Variants in DAPK2 observed in about 807,000 individuals in gnomAD.
DAPK2 encodes death-associated protein kinase 2.
Under a neutral mutation model 44.1 loss-of-function variants are expected in DAPK2, and 35 were observed. The observed-to-expected ratio is 0.79, with a 90% CI of 0.61 to 1.05. The LOEUF (loss-of-function observed/expected upper bound fraction) is 1.05, where lower values mean the gene tolerates loss of function less well. Among genes scored for constraint, DAPK2 ranks in the 50% least tolerant of loss-of-function variants. The pLI is 0.00. For synonymous variants in DAPK2, 174 were observed against 182.6 expected (o/e 0.95, Z 0.38); for missense variants, 453 against 483.2 (o/e 0.94, Z 0.59).
chr15:63,954,207 T>C (rs1333990553), intron 3 of DAPK2, among the ~76,000 whole-genome samples: 2 of 152,220 alleles, frequency 1.3e-5, no homozygotes, highest in African/African-American at 4.8e-5. Flanking sequence ...TTGTGGGGTA[T>C]TACTCAAGAA....
chr15:64,016,635 A>G (rs1376361335), intron 1 of DAPK2, among the ~76,000 whole-genome samples: 1 of 152,080 alleles, frequency 6.6e-6, no homozygotes, highest in Non-Finnish European at 1.5e-5. Flanking sequence ...TCTACAAAAT[A>G]TTTATAAATT....
At chr15:63,924,775 AG>A (rs1236126377) in intron 8 of DAPK2, 40 bp downstream of exon 9, 1 of 1,612,214 alleles carries the variant, frequency 6.2e-7, no homozygotes, top group African/African-American at 1.3e-5. Context: ...GCGACAGAGC[AG>A]GGACCCTTTG....
At chr15:63,985,133 G>A (rs905824975) in intron 1 of DAPK2, among the ~76,000 whole-genome samples, 1 of 152,230 alleles carries the variant, frequency 6.6e-6, no homozygotes, top group Non-Finnish European at 1.5e-5. Context: ...GGGACCAAAG[G>A]CACAGACAAC....
At position 63,992,341 on chromosome 15, in the gene DAPK2, C is replaced by T. The variant is rs573010643; in HGVS notation, c.93-8587G>A. Among the ~76,000 whole-genome samples the T allele has an allele frequency of 2.0e-5, 3 of 152,060 alleles. No individual in the cohort carries two copies. In the South Asian group the frequency reaches 6.2e-4, roughly 32 times the overall value. On this transcript the variant is annotated intron_variant, in intron 1 of 10. Coordinates refer to ENST00000261891, the Ensembl canonical transcript of DAPK2. ...AGGAAATGCTGGGCTTGGAAGGTAC[C>T]ACCCACCACCCACCCACCTGCCCAT... is the stretch of plus-strand genomic sequence containing the variant.
Position 63,923,449 on chromosome 15 carries a change from T to C in DAPK2, c.858+1367A>G. ...CACACAAGCGGCCTCTGGCATTCAC[T>C]GCATGCGTCAGGCCATGGGGAGAAC... On this transcript the variant is annotated intron_variant, in intron 8 of 10. Coordinates refer to ENST00000261891, the Ensembl canonical transcript of DAPK2. This position sits in a 1 kb window ranked among gnomAD's most constrained non-coding sequence, Gnocchi z 4.2. 4.1e-6 allele frequency: 6 copies of C among 1,465,492 alleles called. No individual in the cohort carries two copies. The highest frequency in any genetic ancestry group is 5.4e-6 in the Non-Finnish European group (6 of 1,112,226). The allele number at this position is 1,465,492 out of a possible 1,614,324, so 90.8% of individuals were successfully genotyped here.
chr15:63,992,706 C>T (rs946013881), intron 1 of DAPK2, among the ~76,000 whole-genome samples: 11 of 152,226 alleles, frequency 7.2e-5, no homozygotes, highest in Admixed American at 2.0e-4. Context: ...CTGCCCTTTC[C>T]TTTCCTCCTT....
chr15:63,966,240 G>T lies in DAPK2; in HGVS notation c.453+5183C>A, dbSNP rs1441716671. ...AAATGTTGTCTGAGATCTAGGGCCT[G>T]GAATGGGGGCCTCAAGACTCTGCCT... On this transcript the variant is annotated intron_variant, in intron 3 of 10. Coordinates refer to ENST00000261891, the Ensembl canonical transcript of DAPK2. This position sits in a 1 kb window ranked among gnomAD's most constrained non-coding sequence, Gnocchi z 5.5. Among the ~76,000 whole-genome samples the T allele has an allele frequency of 2.0e-5, 3 of 152,214 alleles. No homozygotes were observed. Among genetic ancestry groups the T allele is most frequent in the South Asian group, 2.1e-4 (1 of 4,832 alleles).
intron 3 of DAPK2, among the ~76,000 whole-genome samples, chr15:63,968,878 A>C (rs2078129947): frequency 6.6e-6 from 1 of 152,190 alleles, no homozygotes; most frequent in African/African-American, 2.4e-5. Context: ...AGACCCATTC[A>C]AGAAAAGACA....
At chr15:64,036,268 T>C (rs2080180108) in intron 1 of DAPK2, among the ~76,000 whole-genome samples, 1 of 81,908 alleles carries the variant, frequency 1.2e-5, no homozygotes, top group African/African-American at 4.8e-5. Context: ...TCAAAATATA[T>C]ATATATGTGT....
At chr15:64,024,175 C>A (rs1032686229) in intron 1 of DAPK2, among the ~76,000 whole-genome samples, 1 of 152,140 alleles carries the variant, frequency 6.6e-6, no homozygotes, top group Admixed American at 6.5e-5. Flanking sequence ...TCTCATCAAC[C>A]CCAAGCCTTA....
chr15:63,946,375 G>A (rs1163946834), intron 3 of DAPK2, among the ~76,000 whole-genome samples: 2 of 152,262 alleles, frequency 1.3e-5, no homozygotes, highest in African/African-American at 2.4e-5. Flanking sequence ...AGGCAAGTCT[G>A]GGTTCAAATC....
chr15:63,930,212 C>A (rs770020241), intron 5 of DAPK2, among the ~76,000 whole-genome samples, 195 bp downstream of exon 6: 3 of 152,256 alleles, frequency 2.0e-5, no homozygotes, highest in Non-Finnish European at 2.9e-5. Flanking sequence ...AGCTAACTGG[C>A]CTCAGGTCCA....
Position 63,908,579 on chromosome 15 carries a change from C to A in DAPK2, c.1054G>T (p.Glu352Ter), listed in dbSNP as rs781426710. Reference sequence around the variant, plus strand: ...GCTTTCCTCCTGGCGATGTCCTCCTCAGTGTCACTCTCACAGTTCCTCTGG... The same window carrying A: ...GCTTTCCTCCTGGCGATGTCCTCCTAAGTGTCACTCTCACAGTTCCTCTGG... The change falls in exon 11 of 11, where the codon GAG (glutamate) becomes TAG (stop). Residue 352 changes from glutamate (E) to a stop codon, truncating the protein, a stop_gained. Transcript: ENST00000261891. LOFTEE classifies it high-confidence loss of function. The surrounding 1 kb of genome is among the most constrained non-coding windows in gnomAD (Gnocchi z 5.7). The A allele has an allele frequency of 6.2e-7, 1 of 1,601,144 alleles. No individual in the cohort carries two copies. The highest frequency in any genetic ancestry group is 8.5e-7 in the Non-Finnish European group (1 of 1,175,192).
At chr15:64,029,755 C>T (rs1254403923) in intron 1 of DAPK2, 1 of 152,366 alleles carries the variant, frequency 6.6e-6, no homozygotes, top group East Asian at 1.9e-4. Context: ...TCATAAGCTC[C>T]TTCACACACA....
chr15:63,971,642 C>A, intron 2 of DAPK2, 81 bp from the exon 4 acceptor site: 1 of 1,496,852 alleles, frequency 6.7e-7, no homozygotes. Context: ...TAGGGGCAAG[C>A]CCTCATCCTG....
chr15:64,027,166 T>C (rs1338877923), intron 1 of DAPK2, among the ~76,000 whole-genome samples: 2 of 152,246 alleles, frequency 1.3e-5, no homozygotes, highest in African/African-American at 2.4e-5. Context: ...GTGGGTCATC[T>C]GAGGTCAGGA....
At chr15:63,938,131 C>T (rs1440979222) in intron 4 of DAPK2, among the ~76,000 whole-genome samples, 1 of 152,166 alleles carries the variant, frequency 6.6e-6, no homozygotes, top group Non-Finnish European at 1.5e-5. Context: ...GGTTTGATGC[C>T]TTGTTTCTAC....
At chr15:64,022,335 A>C (rs1048128041) in intron 1 of DAPK2, among the ~76,000 whole-genome samples, 1 of 152,242 alleles carries the variant, frequency 6.6e-6, no homozygotes, top group Admixed American at 6.5e-5. Flanking sequence ...TTTTCTTCAA[A>C]GCATTAGGCA....
intron 1 of DAPK2, among the ~76,000 whole-genome samples, chr15:64,004,471 A>T (rs1267778382): frequency 6.6e-6 from 1 of 152,158 alleles, no homozygotes; most frequent in Non-Finnish European, 1.5e-5. Flanking sequence ...TCCTCATCAT[A>T]ATCTATGGCT....
Sources: gnomAD v4.1 joint callset for allele counts (sites outside exome capture counted in the v4.1 genomes callset) on GRCh38, gnomAD v4.1.1 for gene constraint, Gnocchi (gnomAD v3.1) non-coding constraint, MANE v1.5 for transcripts, NCBI Gene and HGNC (gene_info 2026-07-23, HGNC 2026-07-21) for gene names.